ADRA1A: variants seen among roughly 807,000 people sequenced by gnomAD.
ADRA1A encodes adrenoceptor alpha 1A.
ADRA1A carries 31 observed loss-of-function variants against 29.6 expected under a neutral mutation model. The observed-to-expected ratio is 1.05, with a 90% CI of 0.79 to 1.41. The LOEUF is 1.41. Among genes scored for constraint, ADRA1A ranks in the 40% most tolerant of loss-of-function variants. The pLI, the probability that ADRA1A is intolerant of heterozygous loss-of-function variation, is 0.00. For missense variants in ADRA1A, 619 were observed against 601.1 expected (o/e 1.03, Z -0.31); for synonymous variants, 311 against 254.3 (o/e 1.22, Z -2.12).
intron 2 of ADRA1A, among the ~76,000 whole-genome samples, chr8:26,851,537 A>G (rs1362290596): frequency 6.6e-6 from 1 of 152,240 alleles, no homozygotes; most frequent in African/African-American, 2.4e-5. Flanking sequence ...CCCATATTAG[A>G]AACATGGATT....
rs1033791301 is a variant in ADRA1A at position 26,823,813 on chromosome 8, C to A, written c.883+40274G>T. On this transcript the variant is annotated intron_variant, in intron 2 of 2. Transcript: ENST00000380573. The surrounding 1 kb of genome is among the most constrained non-coding windows in gnomAD (Gnocchi z 4.2). ...AATTATAGTTGTCAAGGTGAAGAAC[C>A]CGAGGTACCATAAGACTATGGCTTG... Among the ~76,000 whole-genome samples the A allele has an allele frequency of 6.6e-6, 1 of 152,154 alleles. No individual in the cohort carries two copies. Among genetic ancestry groups the A allele is most frequent in the South Asian group, 2.1e-4 (1 of 4,820 alleles).
At chr8:26,830,170 A>G (rs1269460768) in intron 2 of ADRA1A, among the ~76,000 whole-genome samples, 1 of 152,202 alleles carries the variant, frequency 6.6e-6, no homozygotes, top group African/African-American at 2.4e-5. Context: ...CCTGCTTCTC[A>G]GATTGCTTCC....
At chr8:26,855,503 A>AT (rs1812980964) in intron 2 of ADRA1A, among the ~76,000 whole-genome samples, 2 of 152,128 alleles carry the variant, frequency 1.3e-5, no homozygotes, top group Non-Finnish European at 2.9e-5. Context: ...TAAGTGATGG[A>AT]TAAAAATATA....
chr8:26,859,341 T>C (rs1382632855), intron 2 of ADRA1A: 4 of 483,184 alleles, frequency 8.3e-6, no homozygotes, highest in Non-Finnish European at 1.0e-5. Flanking sequence ...CTTCTTTAAG[T>C]CTCTGCTCTG....
chr8:26,828,643 T>C (rs769128097), intron 2 of ADRA1A, among the ~76,000 whole-genome samples: 2 of 152,238 alleles, frequency 1.3e-5, no homozygotes, highest in Admixed American at 6.5e-5. Flanking sequence ...TCTGTGATAC[T>C]GGCATTCGCA....
chr8:26,816,258 G>A (rs1295158162), intron 2 of ADRA1A, among the ~76,000 whole-genome samples: 1 of 152,198 alleles, frequency 6.6e-6, no homozygotes, highest in Admixed American at 6.5e-5. Flanking sequence ...AAAATCCACT[G>A]AAACTGGGGA....
rs116656707 is a variant in ADRA1A at position 26,758,721 on chromosome 8, T to C, written c.1270-1942A>G. Among the ~76,000 whole-genome samples, 715 of 152,292 alleles carry C rather than the reference T, an allele frequency of 4.7e-3. 8 individuals carry two copies. The highest frequency in any genetic ancestry group is 0.016 in the African/African-American group (677 of 41,550). On this transcript the variant is annotated intron_variant, in intron 2 of 2. Transcript: ENST00000380582. ...TCCAGTGCCCTTCCTAGCATGGGCA[T>C]TGGGGTGGAGTTGGGAAGGTCACGT...
intron 2 of ADRA1A, among the ~76,000 whole-genome samples, chr8:26,807,848 A>G (rs1346151588): frequency 6.6e-6 from 1 of 152,096 alleles, no homozygotes; most frequent in African/African-American, 2.4e-5. Context: ...CCTCACCTAT[A>G]AATTCTGCTC....
At chr8:26,810,310 T>C (rs1809285983) in intron 2 of ADRA1A, among the ~76,000 whole-genome samples, 1 of 152,240 alleles carries the variant, frequency 6.6e-6, no homozygotes, top group Non-Finnish European at 1.5e-5. Context: ...AATGTCATCA[T>C]GACTATGGGT....
chr8:26,759,709 C>T (rs146037499), intron 2 of ADRA1A, among the ~76,000 whole-genome samples: 9 of 152,274 alleles, frequency 5.9e-5, no homozygotes, highest in Admixed American at 2.0e-4. Context: ...TTCAGTTAGC[C>T]GAACTCTTTT....
downstream of ADRA1A, among the ~76,000 whole-genome samples, chr8:26,764,175 C>T (rs528835901): frequency 6.6e-6 from 1 of 152,248 alleles, no homozygotes; most frequent in South Asian, 2.1e-4. Flanking sequence ...ATGCAATGAC[C>T]CACAGGCTGA....
intron 2 of ADRA1A, among the ~76,000 whole-genome samples, chr8:26,853,104 T>C (rs1285897991): frequency 6.6e-6 from 1 of 150,852 alleles, no homozygotes; most frequent in East Asian, 1.9e-4. Flanking sequence ...TAAAAATTCA[T>C]TTTTATTGAA....
chr8:26,764,834 G>A (rs1805684744), downstream of ADRA1A, among the ~76,000 whole-genome samples: 1 of 152,206 alleles, frequency 6.6e-6, no homozygotes, highest in Non-Finnish European at 1.5e-5. Flanking sequence ...TTTTGAAGAA[G>A]CCAGTGCCGT....
At chr8:26,851,393 T>G (rs1382567799) in intron 2 of ADRA1A, among the ~76,000 whole-genome samples, 2 of 152,116 alleles carry the variant, frequency 1.3e-5, no homozygotes, top group African/African-American at 4.8e-5. Context: ...AAGTTACCCG[T>G]TTTACGAAAG....
chr8:26,829,792 A>G (rs1351934348), intron 2 of ADRA1A, among the ~76,000 whole-genome samples: 1 of 152,148 alleles, frequency 6.6e-6, no homozygotes, highest in Non-Finnish European at 1.5e-5. Context: ...GGAAAAAAAA[A>G]TCAGCAATTC....
chr8:26,803,919 CTTTT>C (rs34314160), intron 2 of ADRA1A, among the ~76,000 whole-genome samples: 1 of 95,246 alleles, frequency 1.0e-5, no homozygotes, highest in Non-Finnish European at 1.9e-5. Flanking sequence ...TGGAAGTTTC[CTTTT>C]TTTTTTTTTT....
intron 2 of ADRA1A, among the ~76,000 whole-genome samples, chr8:26,853,073 A>G (rs117780155): frequency 0.036 from 5,505 of 152,298 alleles, 129 homozygotes; most frequent in Middle Eastern, 0.12. Context: ...TCAATAAAGC[A>G]AATGTTTAAT....
At chr8:26,760,668 G>T (rs192216221) in intron 2 of ADRA1A, among the ~76,000 whole-genome samples, 10 of 152,232 alleles carry the variant, frequency 6.6e-5, no homozygotes, top group Admixed American at 1.3e-4. Context: ...CTCTGCTGTT[G>T]GTTCTTATCC....
chr8:26,781,635 T>G (rs1806990198), intron 2 of ADRA1A, among the ~76,000 whole-genome samples: 1 of 152,236 alleles, frequency 6.6e-6, no homozygotes, highest in African/African-American at 2.4e-5. Context: ...TTGCAGGCAC[T>G]TCATAAAATG....
Sources: gnomAD v4.1 joint callset for allele counts (sites outside exome capture counted in the v4.1 genomes callset) on GRCh38, gnomAD v4.1.1 for gene constraint, Gnocchi (gnomAD v3.1) non-coding constraint, MANE v1.5 for transcripts, NCBI Gene and HGNC (gene_info 2026-07-23, HGNC 2026-07-21) for gene names.